CSMD3: variants seen among roughly 807,000 people sequenced by gnomAD.
CSMD3 encodes the protein CUB and sushi domain-containing protein 3.
CSMD3 carries 177 observed loss-of-function variants against 435.2 expected under a neutral mutation model. That is an observed-to-expected ratio of 0.41 (90% CI 0.36 to 0.46). CSMD3 has a LOEUF of 0.46. CSMD3 is among the 20% of genes least tolerant of loss of function. The pLI, the probability that CSMD3 is intolerant of heterozygous loss-of-function variation, is 0.34. For missense variants in CSMD3, 4,265 were observed against 4,504.6 expected (o/e 0.95, Z 1.52); for synonymous variants, 1,656 against 1,520.5 (o/e 1.09, Z -2.07).
At chr8:113,091,005 G>T (rs915574424) in intron 5 of CSMD3, among the ~76,000 whole-genome samples, 1 of 151,936 alleles carries the variant, frequency 6.6e-6, no homozygotes, top group Non-Finnish European at 1.5e-5. Flanking sequence ...TTCAATTTCT[G>T]GTCACTGCAC....
intron 1 of CSMD3, among the ~76,000 whole-genome samples, chr8:113,322,267 T>C (rs950311722): frequency 3.8e-4 from 58 of 152,310 alleles, no homozygotes; most frequent in African/African-American, 1.3e-3. Flanking sequence ...CCTCAAGTCA[T>C]GATGAAATTA....
In CSMD3 at chr8:112,486,181, A is replaced by G. The variant is rs954758667; in HGVS notation, c.5278+6308T>C. On this transcript the variant is annotated intron_variant, in intron 31 of 70. Transcript: ENST00000297405. ...ATACTTAGCCTGGAGGAAGATTTCAATCTCACCACTTATTCTTAGTGCCAT... is the reference window on the plus strand; with the variant it reads ...ATACTTAGCCTGGAGGAAGATTTCAGTCTCACCACTTATTCTTAGTGCCAT... 2.0e-5 allele frequency among the ~76,000 whole-genome samples: 3 copies of G among 151,826 alleles called. No individual in the cohort carries two copies. In the East Asian group the frequency reaches 5.8e-4, roughly 29 times the overall value.
At chr8:113,133,504 G>A (rs2091338336) in intron 4 of CSMD3, among the ~76,000 whole-genome samples, 1 of 152,114 alleles carries the variant, frequency 6.6e-6, no homozygotes, top group Non-Finnish European at 1.5e-5. Context: ...TGCAACTTAT[G>A]TGGAAAATAG....
At chr8:112,466,331 A>C (rs1817953502) in intron 32 of CSMD3, among the ~76,000 whole-genome samples, 1 of 152,200 alleles carries the variant, frequency 6.6e-6, no homozygotes. Flanking sequence ...AATATGGAGA[A>C]AATTGGTGGC....
chr8:113,065,862 T>A lies in CSMD3; in HGVS notation c.917+32894A>T, dbSNP rs186583692. Among the ~76,000 whole-genome samples, 396 of 152,218 alleles carry A rather than the reference T, an allele frequency of 2.6e-3. 2 individuals carry two copies. The Middle Eastern group carries it at 0.027, about 10-fold the overall frequency. ...TTTTATATCACATGTAGAATGTACATGATATATTAGTATTGGTATCTTTTA... is the reference window on the plus strand; with the variant it reads ...TTTTATATCACATGTAGAATGTACAAGATATATTAGTATTGGTATCTTTTA... On this transcript the variant is annotated intron_variant, in intron 5 of 70. Transcript: ENST00000297405.
intron 5 of CSMD3, among the ~76,000 whole-genome samples, chr8:113,097,332 A>G (rs2131540284): frequency 6.6e-6 from 1 of 152,094 alleles, no homozygotes; most frequent in East Asian, 1.9e-4. Flanking sequence ...ACATAACAGC[A>G]TTGTTCTAAG....
chr8:112,564,498 A>C (rs1184668619), intron 24 of CSMD3, among the ~76,000 whole-genome samples: 1 of 151,866 alleles, frequency 6.6e-6, no homozygotes, highest in Non-Finnish European at 1.5e-5. Flanking sequence ...CAAAACAAGA[A>C]ATTTGAGGCC....
At chr8:112,445,954 G>A (rs1199559003) in intron 32 of CSMD3, among the ~76,000 whole-genome samples, 3 of 152,146 alleles carry the variant, frequency 2.0e-5, no homozygotes, top group Non-Finnish European at 4.4e-5. Flanking sequence ...TTTGTAAACA[G>A]AGCATATATT....
intron 5 of CSMD3, among the ~76,000 whole-genome samples, chr8:113,027,529 T>A (rs1386076176): frequency 6.6e-6 from 1 of 152,168 alleles, no homozygotes. Context: ...GATGCCTGAC[T>A]GTGCTATTGA....
chr8:112,670,480 T>C (rs1018946576), intron 16 of CSMD3, among the ~76,000 whole-genome samples: 2 of 152,182 alleles, frequency 1.3e-5, no homozygotes, highest in African/African-American at 4.8e-5. Flanking sequence ...GCAGTACACC[T>C]GGATTTAGTG....
At chr8:112,652,403 G>A (rs116756016) in intron 18 of CSMD3, among the ~76,000 whole-genome samples, 20 of 151,980 alleles carry the variant, frequency 1.3e-4, no homozygotes, top group African/African-American at 2.9e-4. Context: ...TAGTAAAATC[G>A]TCTAAAATCA....
At chr8:112,494,856 T>G (rs1415967483) in intron 30 of CSMD3, among the ~76,000 whole-genome samples, 1 of 151,992 alleles carries the variant, frequency 6.6e-6, no homozygotes, top group Non-Finnish European at 1.5e-5. Flanking sequence ...TGCTGACATG[T>G]GCAAATAGAT....
chr8:112,228,470 G>GA (rs1328434742), intron 70 of CSMD3, among the ~76,000 whole-genome samples: 8 of 152,172 alleles, frequency 5.3e-5, no homozygotes, highest in Non-Finnish European at 1.0e-4. Flanking sequence ...TATAGATAAT[G>GA]TAGAAATAAC....
At chr8:113,203,177 A>G (rs917717072) in intron 3 of CSMD3, among the ~76,000 whole-genome samples, 3 of 152,190 alleles carry the variant, frequency 2.0e-5, no homozygotes, top group Non-Finnish European at 2.9e-5. Context: ...ATATATGCTA[A>G]TGACCTGACC....
intron 4 of CSMD3, among the ~76,000 whole-genome samples, chr8:113,120,500 T>C (rs544343251): frequency 1.3e-5 from 2 of 152,158 alleles, no homozygotes; most frequent in Non-Finnish European, 2.9e-5. Context: ...AATTCTAATA[T>C]CTTTAATAAA....
At chr8:113,287,581 A>G (rs1441377330) in intron 2 of CSMD3, among the ~76,000 whole-genome samples, 1 of 152,012 alleles carries the variant, frequency 6.6e-6, no homozygotes, top group Non-Finnish European at 1.5e-5. Context: ...AAAATTCCAG[A>G]AAGAAACGTG....
intron 32 of CSMD3, among the ~76,000 whole-genome samples, chr8:112,423,212 T>C (rs1438369055): frequency 1.3e-5 from 2 of 152,152 alleles, no homozygotes; most frequent in Non-Finnish European, 2.9e-5. Context: ...TATAATAATT[T>C]ATGCTAACCT....
chr8:113,129,227 A>G (rs2091221366), intron 4 of CSMD3, among the ~76,000 whole-genome samples: 1 of 152,280 alleles, frequency 6.6e-6, no homozygotes, highest in East Asian at 1.9e-4. Context: ...CTGCAGCTCA[A>G]TAGGCTTGAC....
intron 9 of CSMD3, among the ~76,000 whole-genome samples, chr8:112,945,658 TA>T (rs933440449): frequency 2.0e-5 from 3 of 149,852 alleles, no homozygotes; most frequent in African/African-American, 2.4e-5. Context: ...TTGTCTCCAT[TA>T]AAAAAAACAA....
Sources: allele counts gnomAD v4.1 joint callset (sites outside exome capture counted in the v4.1 genomes callset), GRCh38; gene constraint gnomAD v4.1.1; transcripts MANE v1.5; gene names NCBI Gene and HGNC (gene_info 2026-07-23, HGNC 2026-07-21).